The following MTAP variants were observed in gnomAD, a reference collection of about 807,000 sequenced individuals.
MTAP encodes S-methyl-5'-thioadenosine phosphorylase.
A neutral mutation model predicts 33.6 loss-of-function variants in MTAP; 33 were observed. The ratio of observed to expected loss-of-function variants is 0.98; its 90% CI spans 0.74 to 1.31. The LOEUF is 1.31. Among genes scored for constraint, MTAP ranks in the 40% most tolerant of loss-of-function variants. The pLI is 0.00. For missense variants in MTAP, 367 were observed against 360.0 expected, an observed-to-expected ratio of 1.02 and a Z score of -0.16; for synonymous variants, 148 against 125.7, an observed-to-expected ratio of 1.18 and a Z score of -1.19.
At chr9:21,926,090 C>G (rs1445558214) in intron 1 of MTAP, among the ~76,000 whole-genome samples, 2 of 152,130 alleles carry the variant, frequency 1.3e-5, no homozygotes, top group African/African-American at 4.8e-5. Flanking sequence ...TCAAGGAAGT[C>G]ACACACAAGG....
chr9:21,895,850 G>A (rs1818283462), intron 1 of MTAP, among the ~76,000 whole-genome samples: 1 of 152,130 alleles, frequency 6.6e-6, no homozygotes, highest in East Asian at 1.9e-4. Flanking sequence ...GCTCAAGGAG[G>A]CTTGCCTGCC....
intron 4 of MTAP, among the ~76,000 whole-genome samples, chr9:21,824,826 G>C (rs754838040): frequency 6.6e-6 from 1 of 152,184 alleles, no homozygotes; most frequent in Non-Finnish European, 1.5e-5. Flanking sequence ...CAGCCTTGCC[G>C]CCGCCTTGCA....
At position 21,854,861 on chromosome 9, in the gene MTAP, C is replaced by A. The variant is rs145928013; in HGVS notation, c.681C>A (p.His227Gln). ...MATDYDCWKE[H>Q]EEAVSVDRVL... The stretch of plus-strand genomic sequence containing the variant: ...CAGATTATGACTGCTGGAAGGAGCA[C>A]GAGGAAGCAGTAGGTGGAATTCTTT... Residue 227 changes from histidine to glutamine, a missense_variant, in exon 6 of 8, where the codon CAC becomes CAA. Coordinates refer to ENST00000644715, the MANE Select transcript of MTAP (RefSeq NM_002451.4). 3.1e-6 allele frequency: 5 copies of A among 1,613,964 alleles called. No individual in the cohort carries two copies. The East Asian group carries it at 1.1e-4, about 36-fold the overall frequency.
chr9:21,837,996 C>T lies in MTAP; in HGVS notation c.436C>T (p.Pro146Ser). Reference sequence around the variant, plus strand: ...TATTCCAATGGCTGAGCCGTTTTGCCCCAAAACGAGAGAGGTGTGTAGTCT... The same window carrying T: ...TATTCCAATGGCTGAGCCGTTTTGCTCCAAAACGAGAGAGGTGTGTAGTCT... ...CHIPMAEPFCPKTREVLIETA... is the reference protein window; with the variant it reads ...CHIPMAEPFCSKTREVLIETA... The change falls in exon 5 of 8, where the codon CCC becomes TCC. Residue 146 changes from proline to serine, a missense_variant. Transcript: ENST00000644715. 1 of 1,613,732 alleles carries T rather than the reference C, an allele frequency of 6.2e-7. No homozygotes were observed. Among genetic ancestry groups the T allele is most frequent in the Non-Finnish European group, 8.5e-7 (1 of 1,179,722 alleles).
intron 1 of MTAP, chr9:21,930,642 C>G: frequency 2.3e-6 from 1 of 440,894 alleles, no homozygotes; most frequent in Non-Finnish European, 4.0e-6. Context: ...AATATCATGG[C>G]TAAAACCTCA....
At chr9:21,841,307 C>G (rs1024763391) in intron 5 of MTAP, among the ~76,000 whole-genome samples, 1 of 152,380 alleles carries the variant, frequency 6.6e-6, no homozygotes, top group Non-Finnish European at 1.5e-5. Flanking sequence ...CACCTCCTGG[C>G]TGGAGGCCAG....
At chr9:21,915,537 G>A (rs1818673915) in intron 1 of MTAP, among the ~76,000 whole-genome samples, 1 of 151,994 alleles carries the variant, frequency 6.6e-6, no homozygotes, top group African/African-American at 2.4e-5. Flanking sequence ...TTTGGCATAG[G>A]TATATTTTTC....
At chr9:21,832,181 C>T (rs567158850) in intron 4 of MTAP, among the ~76,000 whole-genome samples, 2 of 152,304 alleles carry the variant, frequency 1.3e-5, no homozygotes, top group South Asian at 2.1e-4. Flanking sequence ...AGGAAAGTCC[C>T]GCTATAAACA....
chr9:21,883,687 GC>G (rs1156990798), intron 1 of MTAP, among the ~76,000 whole-genome samples: 1 of 150,588 alleles, frequency 6.6e-6, no homozygotes, highest in African/African-American at 2.4e-5. Flanking sequence ...CCACTAGATA[GC>G]AAAAAAAAAA....
At chr9:21,880,803 A>T (rs1817994523) in intron 1 of MTAP, among the ~76,000 whole-genome samples, 1 of 152,102 alleles carries the variant, frequency 6.6e-6, no homozygotes, top group South Asian at 2.1e-4. Flanking sequence ...ACACTGGAAG[A>T]CTTAATATTG....
At chr9:21,804,404 A>G (rs1824151492) in intron 1 of MTAP, among the ~76,000 whole-genome samples, 1 of 152,210 alleles carries the variant, frequency 6.6e-6, no homozygotes, top group African/African-American at 2.4e-5. Flanking sequence ...TTCCCTTCAA[A>G]TTAATGCAGT....
intron 1 of MTAP, among the ~76,000 whole-genome samples, chr9:21,887,843 C>T (rs151326999): frequency 7.0e-4 from 106 of 152,236 alleles, no homozygotes; most frequent in African/African-American, 2.3e-3. Flanking sequence ...AGAGCTTTCA[C>T]GTCCTTGGTT....
intron 1 of MTAP, among the ~76,000 whole-genome samples, chr9:21,903,725 G>A (rs1587286658): frequency 6.6e-6 from 1 of 152,192 alleles, no homozygotes; most frequent in East Asian, 1.9e-4. Context: ...CGATGAGGGA[G>A]TGGCTCGCTG....
At chr9:21,884,199 A>G (rs925210709) in intron 1 of MTAP, among the ~76,000 whole-genome samples, 2 of 152,172 alleles carry the variant, frequency 1.3e-5, no homozygotes, top group East Asian at 1.9e-4. Flanking sequence ...AAAGTGATCA[A>G]TTGCTAATGG....
downstream of MTAP, chr9:21,931,485 A>G (rs1818958038): frequency 7.2e-6 from 2 of 276,248 alleles, no homozygotes; most frequent in Non-Finnish European, 1.3e-5. Flanking sequence ...CCCAATAGAT[A>G]GAAAAGTCCT....
chr9:21,878,707 G>T (rs1000747767), intron 1 of MTAP, among the ~76,000 whole-genome samples: 1 of 152,064 alleles, frequency 6.6e-6, no homozygotes, highest in Non-Finnish European at 1.5e-5. Context: ...GCCATAAACT[G>T]TCCTGTTAAT....
Position 21,802,985 on chromosome 9 carries a change from AACACACACACACACACACAC to A in MTAP, c.33+237_33+256del, listed in dbSNP as rs753392319. ...CAAATGATCCCCCTGCCGCACCGCC[AACACACACACACACACACAC>A]ACACACACACACACACACACACACA... On this transcript the variant is annotated intron_variant, in intron 1 of 7. Transcript: ENST00000644715. 1,165 of 444,912 alleles carry A rather than the reference AACACACACACACACACACAC, an allele frequency of 2.6e-3. 4 individuals are homozygous for A. In the East Asian group the frequency reaches 0.03, roughly 11 times the overall value. 27.6% of individuals were successfully genotyped at this position (444,912 alleles called of 1,614,324 possible).
chr9:21,883,318 A>G (rs1818047666), intron 1 of MTAP, among the ~76,000 whole-genome samples: 1 of 152,128 alleles, frequency 6.6e-6, no homozygotes, highest in East Asian at 1.9e-4. Context: ...AAAATTTAAA[A>G]CACCACAATG....
Position 21,839,713 on chromosome 9 carries a change from T to C in MTAP, c.450+1703T>C, listed in dbSNP as rs1489496503. On this transcript the variant is annotated intron_variant, in intron 5 of 7. Coordinates refer to ENST00000644715, the MANE Select transcript of MTAP (RefSeq NM_002451.4). ...GCTGCCACTTGGTAATTTTCACTTT[T>C]AACATCCACATGATCTTTCATGTAC... is the stretch of plus-strand genomic sequence containing the variant. Among the ~76,000 whole-genome samples the C allele has an allele frequency of 2.0e-5, 3 of 152,340 alleles. No homozygotes were observed. The East Asian group carries it at 5.8e-4, about 29-fold the overall frequency.
Sources: allele counts gnomAD v4.1 joint callset (sites outside exome capture counted in the v4.1 genomes callset), GRCh38; gene constraint gnomAD v4.1.1; transcripts MANE v1.5; gene names NCBI Gene and HGNC (gene_info 2026-07-23, HGNC 2026-07-21).